Variants in LCORL observed in about 807,000 individuals in gnomAD.
LCORL encodes ligand-dependent nuclear receptor corepressor-like protein.
In LCORL, 41 loss-of-function variants were observed where a neutral mutation model predicts 141.8. That is an observed-to-expected ratio of 0.29 (90% CI 0.23 to 0.38). The LOEUF is 0.38. Ranked by LOEUF, LCORL falls within the 10% of genes least tolerant of loss-of-function variation. The pLI is 1.00. For synonymous variants in LCORL, 618 were observed against 694.1 expected (o/e 0.89, Z 1.72); for missense variants, 1,759 against 2,035.0 (o/e 0.86, Z 2.61).
chr4:17,960,129 A>C (rs1040201182), intron 4 of LCORL: 2 of 154,016 alleles, frequency 1.3e-5, no homozygotes, highest in Admixed American at 6.6e-5. Context: ...TGAACTACAA[A>C]TAAAGAAATT....
intron 4 of LCORL, among the ~76,000 whole-genome samples, chr4:17,919,581 A>C (rs1733977975): frequency 6.6e-6 from 1 of 152,260 alleles, no homozygotes. Context: ...TTATGTTTAC[A>C]CTATAGCCTA....
chr4:18,011,802 C>CA (rs1723851822), intron 1 of LCORL, among the ~76,000 whole-genome samples: 3 of 152,224 alleles, frequency 2.0e-5, no homozygotes, highest in Non-Finnish European at 2.9e-5. Flanking sequence ...CCCACAAAGC[C>CA]TAAAACATTT....
intron 1 of LCORL, among the ~76,000 whole-genome samples, chr4:17,998,985 A>AAAAAAAAAAAATAT (rs1374815646): frequency 5.2e-5 from 3 of 57,894 alleles, no homozygotes; most frequent in Admixed American, 2.6e-4. Flanking sequence ...AAAAAAAAAA[A>AAAAAAAAAAAATAT]ATATATATAT....
intron 1 of LCORL, among the ~76,000 whole-genome samples, chr4:17,995,764 A>T (rs948201604): frequency 3.3e-5 from 5 of 152,090 alleles, no homozygotes; most frequent in African/African-American, 1.2e-4. Context: ...GCGTCCCCTG[A>T]GTTTTATATC....
At chr4:18,013,933 G>A (rs183119930) in intron 1 of LCORL, among the ~76,000 whole-genome samples, 82 of 151,758 alleles carry the variant, frequency 5.4e-4, no homozygotes, top group Non-Finnish European at 1.0e-3. Context: ...TCAGCCTCCC[G>A]AGTAGCTGGG....
At chr4:17,879,367 A>G (rs1050429060) in intron 6 of LCORL, among the ~76,000 whole-genome samples, 1 of 151,150 alleles carries the variant, frequency 6.6e-6, no homozygotes, top group Non-Finnish European at 1.5e-5. Context: ...CATGTGATCA[A>G]AACTTTTCTG....
intron 6 of LCORL, chr4:17,883,358 G>C: frequency 9.8e-7 from 1 of 1,017,168 alleles, no homozygotes; most frequent in Non-Finnish European, 1.2e-6. Context: ...TGGCTGGAAT[G>C]GTCTTTCACC....
chr4:17,858,438 A>C (rs1198720628), intron 7 of LCORL, among the ~76,000 whole-genome samples: 1 of 152,086 alleles, frequency 6.6e-6, no homozygotes, highest in Non-Finnish European at 1.5e-5. Context: ...ACATTTAAAG[A>C]AATTGGCCAG....
chr4:17,984,808 GGTTA>G (rs1376103124), intron 1 of LCORL, among the ~76,000 whole-genome samples: 1 of 151,864 alleles, frequency 6.6e-6, no homozygotes, highest in Non-Finnish European at 1.5e-5. Flanking sequence ...CTAACTTTGG[GGTTA>G]GTTTGCTCTT....
chr4:17,915,034 A>T (rs948696656), intron 4 of LCORL, among the ~76,000 whole-genome samples: 3 of 152,170 alleles, frequency 2.0e-5, no homozygotes, highest in Non-Finnish European at 2.9e-5. Flanking sequence ...ACTGATGAAC[A>T]TTGATGCTCC....
At chr4:17,860,045 A>G (rs1357198230) in intron 7 of LCORL, among the ~76,000 whole-genome samples, 6 of 152,214 alleles carry the variant, frequency 3.9e-5, no homozygotes, top group Admixed American at 2.6e-4. Context: ...GATAGGAAAA[A>G]TCAATATTGG....
chr4:17,873,293 T>G (rs1194496092), intron 7 of LCORL, 95 bp downstream of exon 7: 51 of 806,786 alleles, frequency 6.3e-5, no homozygotes, highest in Non-Finnish European at 8.3e-5. Context: ...TTTTGGAAAC[T>G]AATTAAAACT....
chr4:17,890,415 A>G (rs1262712032), intron 5 of LCORL, among the ~76,000 whole-genome samples: 1 of 152,100 alleles, frequency 6.6e-6, no homozygotes, highest in African/African-American at 2.4e-5. Context: ...GGGTAAACAA[A>G]AAGATCTAAA....
intron 1 of LCORL, among the ~76,000 whole-genome samples, chr4:17,977,092 G>T (rs1370127724): frequency 6.6e-6 from 1 of 152,020 alleles, no homozygotes; most frequent in African/African-American, 2.4e-5. Context: ...TCTTTTGTGG[G>T]GGCTGGTCTT....
intron 1 of LCORL, among the ~76,000 whole-genome samples, chr4:17,991,997 C>G (rs973491429): frequency 1.3e-5 from 2 of 152,088 alleles, no homozygotes; most frequent in African/African-American, 4.8e-5. Flanking sequence ...GAGGTAAAAC[C>G]TTCTGATGAC....
chr4:18,000,208 C>T (rs1721712257), intron 1 of LCORL, among the ~76,000 whole-genome samples: 1 of 146,444 alleles, frequency 6.8e-6, no homozygotes, highest in Admixed American at 6.9e-5. Flanking sequence ...TTGGTAAGTG[C>T]CAGAAAGATA....
chr4:18,008,383 AC>A (rs1723146587), intron 1 of LCORL, among the ~76,000 whole-genome samples: 1 of 152,220 alleles, frequency 6.6e-6, no homozygotes, highest in Non-Finnish European at 1.5e-5. Flanking sequence ...GGAGGCCTAA[AC>A]CCAGAATACT....
chr4:17,868,933 A>G (rs1726001418), intron 7 of LCORL, among the ~76,000 whole-genome samples: 1 of 151,898 alleles, frequency 6.6e-6, no homozygotes, highest in Non-Finnish European at 1.5e-5. Context: ...CAATTACCCA[A>G]TCCCACATAC....
chr4:17,995,428 A>G (rs1013361122), intron 1 of LCORL, among the ~76,000 whole-genome samples: 2 of 152,138 alleles, frequency 1.3e-5, no homozygotes, highest in Non-Finnish European at 2.9e-5. Flanking sequence ...AATTCACAAT[A>G]AAAGAGAATT....
Sources: gnomAD v4.1 joint callset for allele counts (sites outside exome capture counted in the v4.1 genomes callset) on GRCh38, gnomAD v4.1.1 for gene constraint, MANE v1.5 for transcripts, NCBI Gene and HGNC (gene_info 2026-07-23, HGNC 2026-07-21) for gene names.